The following SUCLG2 variants were observed in gnomAD, a reference collection of about 807,000 sequenced individuals.
SUCLG2 encodes succinate--CoA ligase [GDP-forming] subunit beta, mitochondrial.
A neutral mutation model predicts 47.9 loss-of-function variants in SUCLG2; 42 were observed. The ratio of observed to expected loss-of-function variants is 0.88; its 90% CI spans 0.69 to 1.14. The LOEUF (loss-of-function observed/expected upper bound fraction) is 1.14. SUCLG2 is among the 50% of genes most tolerant of loss of function. SUCLG2 has a pLI of 0.00. For missense variants in SUCLG2, 571 were observed against 525.9 expected, an observed-to-expected ratio of 1.09 and a Z score of -0.84; for synonymous variants, 195 against 197.3, an observed-to-expected ratio of 0.99 and a Z score of 0.10.
intron 7 of SUCLG2, among the ~76,000 whole-genome samples, chr3:67,506,459 A>C (rs1705641594): frequency 6.6e-6 from 1 of 151,870 alleles, no homozygotes; most frequent in Non-Finnish European, 1.5e-5. Flanking sequence ...ACTGTATATA[A>C]TGTTTTATGA....
chr3:67,552,962 G>A (rs1208612633), intron 2 of SUCLG2, among the ~76,000 whole-genome samples: 1 of 152,110 alleles, frequency 6.6e-6, no homozygotes, highest in East Asian at 1.9e-4. Flanking sequence ...CTTTGTATGT[G>A]TATTACTTCT....
intron 4 of SUCLG2, among the ~76,000 whole-genome samples, chr3:67,522,601 T>C (rs979410528): frequency 1.3e-5 from 2 of 151,524 alleles, no homozygotes; most frequent in Non-Finnish European, 1.5e-5. Context: ...ATAAAAACAA[T>C]CCCATAAATA....
intron 2 of SUCLG2, among the ~76,000 whole-genome samples, chr3:67,580,403 C>T (rs75230293): frequency 0.022 from 3,373 of 152,234 alleles, 116 homozygotes; most frequent in African/African-American, 0.077. Context: ...TGTTCTTCTT[C>T]ATATTTTATT....
chr3:67,525,161 C>T (rs1575754677), intron 4 of SUCLG2, among the ~76,000 whole-genome samples: 1 of 152,164 alleles, frequency 6.6e-6, no homozygotes, highest in East Asian at 1.9e-4. Flanking sequence ...ACATATCATA[C>T]TCATGGGTTG....
chr3:67,600,260 T>C (rs1194062188), intron 2 of SUCLG2, among the ~76,000 whole-genome samples: 2 of 152,230 alleles, frequency 1.3e-5, no homozygotes, highest in Non-Finnish European at 2.9e-5. Flanking sequence ...AATTTTTATT[T>C]TTATCTGCTG....
intron 9 of SUCLG2, among the ~76,000 whole-genome samples, chr3:67,478,447 T>C (rs142053070): frequency 6.6e-6 from 1 of 152,206 alleles, no homozygotes; most frequent in South Asian, 2.1e-4. Flanking sequence ...TCAATCAACA[T>C]ATATAATGAC....
At chr3:67,464,332 G>T (rs1275665313) in intron 9 of SUCLG2, among the ~76,000 whole-genome samples, 1 of 152,154 alleles carries the variant, frequency 6.6e-6, no homozygotes, top group Non-Finnish European at 1.5e-5. Context: ...GCCCTCATGG[G>T]TGTGCAATTT....
At chr3:67,588,137 A>G (rs1216235544) in intron 2 of SUCLG2, among the ~76,000 whole-genome samples, 1 of 152,216 alleles carries the variant, frequency 6.6e-6, no homozygotes, top group African/African-American at 2.4e-5. Context: ...AAATGAAAAT[A>G]TCATGCAGCT....
At chr3:67,412,406 T>C (rs1005310401) in intron 9 of SUCLG2, among the ~76,000 whole-genome samples, 3 of 152,158 alleles carry the variant, frequency 2.0e-5, no homozygotes, top group Admixed American at 2.0e-4. Flanking sequence ...AAACAGACTA[T>C]GAAAACATCG....
intron 2 of SUCLG2, among the ~76,000 whole-genome samples, chr3:67,608,756 C>T (rs1700471416): frequency 6.6e-6 from 1 of 151,690 alleles, no homozygotes; most frequent in African/African-American, 2.4e-5. Context: ...TAGCCCACTG[C>T]AATCTCAAAC....
chr3:67,409,433 G>A (rs1400125348), intron 9 of SUCLG2, among the ~76,000 whole-genome samples: 1 of 152,130 alleles, frequency 6.6e-6, no homozygotes, highest in African/African-American at 2.4e-5. Context: ...GCCACTGGTA[G>A]GCATGGTAAC....
chr3:67,513,867 A>G (rs1359612463), intron 6 of SUCLG2: 1 of 152,350 alleles, frequency 6.6e-6, no homozygotes, highest in Non-Finnish European at 1.5e-5. Context: ...AATCTTTAAA[A>G]ATGTCTCAAA....
At chr3:67,549,283 A>G (rs894170938) in intron 2 of SUCLG2, among the ~76,000 whole-genome samples, 1 of 152,174 alleles carries the variant, frequency 6.6e-6, no homozygotes, top group Middle Eastern at 3.2e-3. Flanking sequence ...GAAAACGACT[A>G]TCTTTAACCA....
chr3:67,450,064 CAG>C (rs1324809801), intron 9 of SUCLG2, among the ~76,000 whole-genome samples: 10 of 151,804 alleles, frequency 6.6e-5, no homozygotes, highest in African/African-American at 2.4e-4. Context: ...AATTTAGAGA[CAG>C]GGTCTTGCTC....
At chr3:67,578,001 C>G (rs1707786260) in intron 2 of SUCLG2, among the ~76,000 whole-genome samples, 1 of 151,972 alleles carries the variant, frequency 6.6e-6, no homozygotes, top group African/African-American at 2.4e-5. Flanking sequence ...TTGGTGAGAG[C>G]AGGTGAAGTA....
rs201645583 is a variant in SUCLG2, at chr3:67,522,175, G to GA, written c.418-1542dup. On this transcript the variant is annotated intron_variant, in intron 4 of 10. Coordinates refer to ENST00000307227, the MANE Select transcript of SUCLG2 (RefSeq NM_003848.4). ...GTTCAAACGAATCTCCTGAGTAGCT[G>GA]AAACTACAGGCACGTGCCTCCATAG... 7.5e-3 allele frequency among the ~76,000 whole-genome samples: 1,142 copies of GA among 152,002 alleles called. 29 individuals carry two copies. Among genetic ancestry groups the GA allele is most frequent in the African/African-American group, 0.025 (1,053 of 41,356 alleles).
chr3:67,621,397 T>C (rs1453716389), intron 1 of SUCLG2, among the ~76,000 whole-genome samples: 2 of 152,222 alleles, frequency 1.3e-5, no homozygotes, highest in Non-Finnish European at 2.9e-5. Context: ...GTGGTAAATC[T>C]GATGTACCTG....
At chr3:67,634,861 C>T (rs940406771) in intron 1 of SUCLG2, among the ~76,000 whole-genome samples, 10 of 152,286 alleles carry the variant, frequency 6.6e-5, no homozygotes, top group South Asian at 4.1e-4. Flanking sequence ...AGAATGTGCA[C>T]GTGTGTATAT....
At chr3:67,490,214 A>G (rs1030673752) in intron 9 of SUCLG2, among the ~76,000 whole-genome samples, 1 of 152,218 alleles carries the variant, frequency 6.6e-6, no homozygotes, top group Non-Finnish European at 1.5e-5. Flanking sequence ...TGTATCTGAA[A>G]GAAAACAGGA....
Sources: allele counts gnomAD v4.1 joint callset (sites outside exome capture counted in the v4.1 genomes callset), GRCh38; gene constraint gnomAD v4.1.1; transcripts MANE v1.5; gene names NCBI Gene and HGNC (gene_info 2026-07-23, HGNC 2026-07-21).